DNTT: variants seen among roughly 807,000 people sequenced by gnomAD.
DNTT encodes DNA nucleotidylexotransferase, also known as nucleosidetriphosphate:DNA deoxynucleotidylexotransferase.
DNTT carries 47 observed loss-of-function variants against 60.9 expected under a neutral mutation model. The ratio of observed to expected loss-of-function variants is 0.77; its 90% CI spans 0.61 to 0.98. The LOEUF (loss-of-function observed/expected upper bound fraction) is 0.98. Ranked by LOEUF, DNTT falls within the 50% of genes least tolerant of loss-of-function variation. The pLI is 0.00. For synonymous variants in DNTT, 224 were observed against 221.2 expected (o/e 1.01, Z -0.11); for missense variants, 665 against 627.5 (o/e 1.06, Z -0.64).
In DNTT at chr10:96,318,507, C is replaced by G. The variant is rs766321138; in HGVS notation, c.359C>G (p.Thr120Arg). 1.9e-6 allele frequency: 3 copies of G among 1,613,302 alleles called. No individual in the cohort carries two copies. The highest frequency in any genetic ancestry group is 2.5e-6 in the Non-Finnish European group (3 of 1,179,624). ...AGAGCAGGGAAACCGGTGGAAATGACAGGAAAACACCAGCTTGTTGTAAGT... is the reference window on the plus strand; with the variant it reads ...AGAGCAGGGAAACCGGTGGAAATGAGAGGAAAACACCAGCTTGTTGTAAGT... The part of the protein sequence containing the change: ...CIRAGKPVEM[T>R]GKHQLVVRRD... Residue 120 changes from threonine to arginine, a missense_variant, in exon 2 of 11, where the codon ACA becomes AGA. Physicochemically the swap from Thr to Arg is moderately conservative, Grantham distance 71. Transcript: ENST00000371174.
chr10:96,333,904 A>G (rs1233584174), intron 9 of DNTT, among the ~76,000 whole-genome samples: 4 of 152,212 alleles, frequency 2.6e-5, no homozygotes, highest in East Asian at 1.9e-4. Context: ...ACTCTGTTCT[A>G]TTGCACAGTA....
At chr10:96,309,181 T>C (rs969151998) in intron 1 of DNTT, among the ~76,000 whole-genome samples, 5 of 152,206 alleles carry the variant, frequency 3.3e-5, no homozygotes, top group Non-Finnish European at 7.3e-5. Context: ...GAGGATACTG[T>C]CATCCTTCCT....
intron 4 of DNTT, among the ~76,000 whole-genome samples, chr10:96,321,669 A>G (rs979199075): frequency 1.3e-5 from 2 of 152,130 alleles, no homozygotes. Flanking sequence ...CTGCCAGACC[A>G]TCACGGAATT....
chr10:96,327,350 G>T, intron 6 of DNTT, 118 bp from the exon 7 acceptor site: 2 of 1,419,948 alleles, frequency 1.4e-6, no homozygotes, highest in South Asian at 2.3e-5. Context: ...AATGGAGTTT[G>T]GTGTTGATGC....
chr10:96,309,101 C>A, intron 1 of DNTT, among the ~76,000 whole-genome samples: 1 of 152,158 alleles, frequency 6.6e-6, no homozygotes, highest in Non-Finnish European at 1.5e-5. Context: ...GGTTGGCTCT[C>A]CACCTTTGCA....
At chr10:96,313,356 T>C (rs919288735) in intron 1 of DNTT, among the ~76,000 whole-genome samples, 6 of 152,162 alleles carry the variant, frequency 3.9e-5, no homozygotes, top group African/African-American at 1.2e-4. Flanking sequence ...CACAGATTCA[T>C]TTGCCCTTGA....
At position 96,320,701 on chromosome 10, in the gene DNTT, A is replaced by G. The variant is rs748288144; in HGVS notation, c.591A>G (p.Val197=). The change falls in exon 4 of 11, where the codon GTA becomes GTG. Residue 197 remains valine, a synonymous_variant. Transcript: ENST00000371174. ...SCVTFMRAAS[V]LKSLPFTIIS... is the part of the protein sequence containing the mutation. ...TGACATTTATGAGAGCAGCTTCTGTATTGAAATCTCTGCCATTCACAATCA... is the reference window on the plus strand; with the variant it reads ...TGACATTTATGAGAGCAGCTTCTGTGTTGAAATCTCTGCCATTCACAATCA... The G allele has an allele frequency of 6.2e-7, 1 of 1,613,884 alleles. No individual in the cohort carries two copies. The highest frequency in any genetic ancestry group is 2.2e-5 in the East Asian group (1 of 44,870).
intron 8 of DNTT, among the ~76,000 whole-genome samples, chr10:96,331,243 C>T (rs1845003066): frequency 6.6e-6 from 1 of 152,222 alleles, no homozygotes; most frequent in Admixed American, 6.5e-5. Context: ...ACTCAGCCTC[C>T]AGCCACAACG....
chr10:96,331,105 A>G (rs1480845137), intron 8 of DNTT, among the ~76,000 whole-genome samples: 1 of 152,004 alleles, frequency 6.6e-6, no homozygotes, highest in Non-Finnish European at 1.5e-5. Context: ...CTGGATAGGC[A>G]ACTTTAAGTG....
intron 5 of DNTT, 116 bp downstream of exon 5, chr10:96,322,844 G>A (rs1419663451): frequency 1.6e-5 from 12 of 746,010 alleles, no homozygotes; most frequent in Middle Eastern, 4.0e-4. Context: ...AGATGGCGTG[G>A]CTTAAACAAC....
intron 8 of DNTT, 49 bp from the exon 9 acceptor site, chr10:96,332,302 G>A (rs1845015621): frequency 1.3e-6 from 2 of 1,590,258 alleles, no homozygotes; most frequent in East Asian, 4.5e-5. Flanking sequence ...TTAAATCATA[G>A]ATCTTCTTCA....
chr10:96,304,517 C>A lies in DNTT; in HGVS notation c.20C>A (p.Ser7Tyr). ...CTTCCCATGGATCCACCACGAGCGT[C>A]CCACTTGAGCCCTCGGAAGAAGAGA... Reference protein sequence around the residue: MDPPRASHLSPRKKRPR... With the variant: MDPPRAYHLSPRKKRPR... Residue 7 changes from serine (S) to tyrosine (Y), a missense_variant, in exon 1 of 11, where the codon TCC (serine) becomes TAC (tyrosine). Coordinates refer to ENST00000371174, the MANE Select transcript of DNTT (RefSeq NM_004088.4). 1 of 1,613,890 alleles carries A rather than the reference C, an allele frequency of 6.2e-7. No homozygotes were observed. The highest frequency in any genetic ancestry group is 8.5e-7 in the Non-Finnish European group (1 of 1,179,994).
Position 96,332,400 on chromosome 10 carries a change from G to T in DNTT, c.1163G>T (p.Arg388Met). The T allele has an allele frequency of 6.2e-7, 1 of 1,614,140 alleles. No individual in the cohort carries two copies. The highest frequency in any genetic ancestry group is 8.5e-7 in the Non-Finnish European group (1 of 1,180,002). Residue 388 changes from arginine (R) to methionine (M), a missense_variant, in exon 9 of 11, where the codon AGG becomes ATG. Transcript: ENST00000371174. Reference sequence around the variant, plus strand: ...GTGGAGTCAACATTTGAAAAGCTCAGGTTGCCTAGCAGGAAGGTTGATGCT... The same window carrying T: ...GTGGAGTCAACATTTGAAAAGCTCATGTTGCCTAGCAGGAAGGTTGATGCT... ...DLVESTFEKL[R>M]LPSRKVDALD...
At chr10:96,314,102 C>G (rs1045459171) in intron 1 of DNTT, among the ~76,000 whole-genome samples, 1 of 152,186 alleles carries the variant, frequency 6.6e-6, no homozygotes, top group Non-Finnish European at 1.5e-5. Context: ...TAGCAAAACA[C>G]AAATTCTATG....
chr10:96,324,240 A>T, intron 5 of DNTT, 26 bp from the exon 6 acceptor site: 1 of 1,606,474 alleles, frequency 6.2e-7, no homozygotes, highest in Non-Finnish European at 8.5e-7. Flanking sequence ...TTAGAGACTG[A>T]TGGCATGCCT....
intron 1 of DNTT, among the ~76,000 whole-genome samples, chr10:96,314,655 GC>G (rs1262723242): frequency 1.3e-5 from 2 of 151,414 alleles, no homozygotes; most frequent in Non-Finnish European, 2.9e-5. Context: ...CTCATGATCT[GC>G]CCCCCTCAGC....
Position 96,322,645 on chromosome 10 carries a change from A to G in DNTT, c.679-12A>G, listed in dbSNP as rs200605012. On this transcript the variant is annotated splice_polypyrimidine_tract_variant and intron_variant, in intron 4 of 10. Coordinates refer to ENST00000371174, the MANE Select transcript of DNTT (RefSeq NM_004088.4). ...CATCACTAATTTAAAATATTTTTCA[A>G]CTGTCCATTAGGAGATTATTGAAGA... The G allele has an allele frequency of 4.7e-4, 745 of 1,578,194 alleles. 9 individuals carry two copies. The highest frequency in any genetic ancestry group is 1.6e-3 in the Admixed American group (92 of 57,222).
chr10:96,320,084 A>G (rs563610587), intron 3 of DNTT, among the ~76,000 whole-genome samples: 1 of 152,348 alleles, frequency 6.6e-6, no homozygotes, highest in East Asian at 1.9e-4. Flanking sequence ...AATTGTAGCT[A>G]CTGGATATGC....
intron 9 of DNTT, 63 bp from the exon 10 acceptor site, chr10:96,335,827 AG>A (rs1845061684): frequency 6.5e-7 from 1 of 1,550,096 alleles, no homozygotes; most frequent in Non-Finnish European, 8.9e-7. Context: ...AGAGGGATGT[AG>A]CCACCTAATA....
Sources: gnomAD v4.1 joint callset for allele counts (sites outside exome capture counted in the v4.1 genomes callset) on GRCh38, gnomAD v4.1.1 for gene constraint, MANE v1.5 for transcripts, NCBI Gene and HGNC (gene_info 2026-07-23, HGNC 2026-07-21) for gene names.